ARHGAP23: variants seen among roughly 807,000 people sequenced by gnomAD.
ARHGAP23 encodes rho GTPase-activating protein 23.
A neutral mutation model predicts 136.3 loss-of-function variants in ARHGAP23; 34 were observed. That is an observed-to-expected ratio of 0.25 (90% CI 0.19 to 0.33). The LOEUF (loss-of-function observed/expected upper bound fraction) is 0.33, where lower values mean the gene tolerates loss of function less well. Ranked by LOEUF, ARHGAP23 falls within the 10% of genes least tolerant of loss-of-function variation. The pLI, the probability that ARHGAP23 is intolerant of heterozygous loss-of-function variation, is 1.00. For synonymous variants in ARHGAP23, 832 were observed against 920.5 expected, an observed-to-expected ratio of 0.90 and a Z score of 1.74; for missense variants, 1,808 against 2,139.0, an observed-to-expected ratio of 0.85 and a Z score of 3.05.
intron 1 of ARHGAP23, among the ~76,000 whole-genome samples, chr17:38,449,212 T>C (rs1313312331): frequency 3.9e-5 from 6 of 152,196 alleles, no homozygotes; most frequent in Non-Finnish European, 7.3e-5. Flanking sequence ...CTCATCTCCC[T>C]TCCCAGGCTT....
intron 23 of ARHGAP23, among the ~76,000 whole-genome samples, chr17:38,509,446 C>G (rs1165982558): frequency 6.6e-6 from 1 of 151,992 alleles, no homozygotes; most frequent in Non-Finnish European, 1.5e-5. Context: ...CCTGTAGATG[C>G]TGGGCAGGTG....
Position 38,511,065 on chromosome 17 carries a change from C to A in ARHGAP23, c.*93C>A. 7.8e-7 allele frequency: 1 copy of A among 1,274,468 alleles called. No homozygotes were observed. The highest frequency in any genetic ancestry group is 1.0e-6 in the Non-Finnish European group (1 of 986,034). The allele number at this position is 1,274,468 out of a possible 1,614,324, so 78.9% of individuals were successfully genotyped here. A position where few individuals can be genotyped will look rare whatever the true frequency, so the allele number is the denominator to read the frequency against. ...CAGCCTGCACCTCCTCTTCTGTGGC[C>A]CCTGGGTGCATGGTGTGGGTGGAGG... On this transcript the variant is annotated 3_prime_UTR_variant, in exon 24 of 24. Coordinates refer to ENST00000622683, the MANE Select transcript of ARHGAP23 (RefSeq NM_001199417.2).
At position 38,481,832 on chromosome 17, in the gene ARHGAP23, G is replaced by C. The variant is rs189321605; in HGVS notation, c.2630-190G>C. On this transcript the variant is annotated intron_variant, in intron 14 of 23. Transcript: ENST00000622683. ...CACGGAAGTCCTTGCATTGCTCTGG[G>C]CCTCTCCTTTGGGGTAAGCATCCTC... 2.8e-3 allele frequency among the ~76,000 whole-genome samples: 434 copies of C among 152,286 alleles called. 1 individual carries two copies. Among genetic ancestry groups the C allele is most frequent in the African/African-American group, 0.01 (416 of 41,540 alleles).
At chr17:38,428,607 C>A in intron 1 of ARHGAP23, 59 bp downstream of exon 1, 4 of 1,210,842 alleles carry the variant, frequency 3.3e-6, no homozygotes, top group Non-Finnish European at 3.2e-6. Context: ...AGCGGGCTGC[C>A]AAGCCAGGGT....
intron 23 of ARHGAP23, among the ~76,000 whole-genome samples, chr17:38,508,798 G>A (rs1014189528): frequency 6.6e-6 from 1 of 152,062 alleles, no homozygotes; most frequent in Non-Finnish European, 1.5e-5. Flanking sequence ...TTGGGGCAGG[G>A]GTAGGTAGGA....
intron 1 of ARHGAP23, among the ~76,000 whole-genome samples, chr17:38,433,200 A>G (rs912567531): frequency 6.6e-6 from 1 of 151,992 alleles, no homozygotes; most frequent in African/African-American, 2.4e-5. Flanking sequence ...GACTCAAGTG[A>G]TCCTCCCACT....
intron 22 of ARHGAP23, among the ~76,000 whole-genome samples, chr17:38,499,192 T>G (rs1424051693): frequency 8.5e-5 from 13 of 152,230 alleles, no homozygotes; most frequent in Admixed American, 5.9e-4. Flanking sequence ...CCTGGACACC[T>G]GGGCATCGAA....
intron 14 of ARHGAP23, among the ~76,000 whole-genome samples, chr17:38,481,017 A>G (rs2040026247): frequency 6.6e-6 from 1 of 151,718 alleles, no homozygotes. Context: ...ACAGAGTCTC[A>G]TTCTGTCACT....
In ARHGAP23 at chr17:38,510,560, T is replaced by C; in HGVS notation, c.4064T>C (p.Leu1355Pro). Residue 1355 changes from leucine (L) to proline (P), a missense_variant, in exon 24 of 24, where the codon CTG (leucine) becomes CCG (proline). Leu to Pro is a moderately conservative substitution (Grantham distance 98). Coordinates refer to ENST00000622683, the MANE Select transcript of ARHGAP23 (RefSeq NM_001199417.2). This position sits in a 1 kb window ranked among gnomAD's most constrained non-coding sequence, Gnocchi z 4.6. The stretch of plus-strand genomic sequence containing the variant: ...GCGTCGTCCAGCAGCCAGGAGTCGC[T>C]GCGGCCCCCGGCGGCGGCGCTGGCC... ...GSASSSSQES[L>P]RPPAAALASR... The C allele has an allele frequency of 8.1e-7, 1 of 1,229,354 alleles. No homozygotes were observed. The highest frequency in any genetic ancestry group is 3.3e-5 in the South Asian group (1 of 30,752). The allele number at this position is 1,229,354 out of a possible 1,614,324, so 76.2% of individuals were successfully genotyped here. A position where few individuals can be genotyped will look rare whatever the true frequency, so the allele number is the denominator to read the frequency against.
chr17:38,462,162 C>A (rs1216340642), intron 3 of ARHGAP23, among the ~76,000 whole-genome samples: 1 of 151,292 alleles, frequency 6.6e-6, no homozygotes, highest in Non-Finnish European at 1.5e-5. Flanking sequence ...CCATGTTGGC[C>A]AGGCTGGTCT....
At chr17:38,444,391 G>A (rs2038985344) in intron 1 of ARHGAP23, among the ~76,000 whole-genome samples, 1 of 152,124 alleles carries the variant, frequency 6.6e-6, no homozygotes, top group Admixed American at 6.5e-5. Context: ...GTGTCTCTGT[G>A]GGCACACCCT....
At chr17:38,428,180 C>A (rs1043008996), upstream of ARHGAP23, among the ~76,000 whole-genome samples, 1 of 152,196 alleles carries the variant, frequency 6.6e-6, no homozygotes, top group Non-Finnish European at 1.5e-5. Flanking sequence ...GGGCCGGTCC[C>A]TTAGAGGCCG....
At position 38,466,485 on chromosome 17, in the gene ARHGAP23, C is replaced by T. The variant is rs566301561; in HGVS notation, c.802C>T (p.Arg268Cys). Residue 268 changes from arginine (R) to cysteine (C), a missense_variant, in exon 7 of 24, where the codon CGT becomes TGT. Arg to Cys is a radical substitution (Grantham distance 180). This residue lies in a region of ARHGAP23 where 859 missense variants were observed against 936.4 expected (regional missense o/e 0.92). Transcript: ENST00000622683. ...PHLSSEPRTP[R>C]AFPEPGSRVP... ...CCTCTCCTCGGAGCCCCGGACGCCC[C>T]GTGCCTTCCCAGAGCCTGGCAGCCG... 347 of 1,512,942 alleles carry T rather than the reference C, an allele frequency of 2.3e-4. 1 individual carries two copies. In the African/African-American group the frequency reaches 2.6e-3, roughly 11 times the overall value. 93.7% of individuals were successfully genotyped at this position (1,512,942 alleles called of 1,614,324 possible).
At chr17:38,441,936 C>G (rs371984149) in intron 1 of ARHGAP23, among the ~76,000 whole-genome samples, 107 of 152,092 alleles carry the variant, frequency 7.0e-4, no homozygotes, top group African/African-American at 2.2e-3. Flanking sequence ...GCAGCTCCCC[C>G]CTTTTTCCCC....
At chr17:38,457,916 G>A in intron 1 of ARHGAP23, 186 bp from the exon 2 acceptor site, 1 of 640,114 alleles carries the variant, frequency 1.6e-6, no homozygotes, top group South Asian at 2.0e-5. Flanking sequence ...AAGCTATTGG[G>A]CTGATGAAGG....
At chr17:38,438,771 G>T (rs547475446) in intron 1 of ARHGAP23, among the ~76,000 whole-genome samples, 136 of 152,072 alleles carry the variant, frequency 8.9e-4, no homozygotes, top group African/African-American at 3.0e-3. Context: ...ATCATCTGAG[G>T]TCGGGAGTTT....
At chr17:38,439,896 A>G (rs2038884272) in intron 1 of ARHGAP23, among the ~76,000 whole-genome samples, 1 of 147,534 alleles carries the variant, frequency 6.8e-6, no homozygotes, top group Admixed American at 6.9e-5. Context: ...TGCCCGGCTA[A>G]TTTTTGTATT....
intron 1 of ARHGAP23, among the ~76,000 whole-genome samples, chr17:38,431,730 G>C (rs957432288): frequency 1.3e-5 from 2 of 152,174 alleles, no homozygotes; most frequent in Admixed American, 1.3e-4. Context: ...AGGACCAAAG[G>C]GGTGATCGTG....
chr17:38,440,820 A>T (rs2038904528), intron 1 of ARHGAP23, among the ~76,000 whole-genome samples: 1 of 151,972 alleles, frequency 6.6e-6, no homozygotes, highest in Admixed American at 6.6e-5. Context: ...GGGACTGGGG[A>T]TGTCGTAATT....
Sources: gnomAD v4.1 joint callset for allele counts (sites outside exome capture counted in the v4.1 genomes callset) on GRCh38, gnomAD v4.1.1 for gene constraint, gnomAD v4.1.1 regional missense constraint, Gnocchi (gnomAD v3.1) non-coding constraint, MANE v1.5 for transcripts, NCBI Gene and HGNC (gene_info 2026-07-23, HGNC 2026-07-21) for gene names.